The following MCM10 variants were observed in gnomAD, a reference collection of about 807,000 sequenced individuals.
MCM10 encodes the protein minichromosome maintenance 10 replication initiation factor.
In MCM10, 91 loss-of-function variants were observed where a neutral mutation model predicts 109.9. The ratio of observed to expected loss-of-function variants is 0.83; its 90% CI spans 0.70 to 0.99. The LOEUF (loss-of-function observed/expected upper bound fraction) is 0.99. Ranked by LOEUF, MCM10 falls within the 50% of genes least tolerant of loss-of-function variation. The probability of loss-of-function intolerance (pLI) is 0.00; values close to 1 mark genes in which losing one functional copy is unlikely to be tolerated. For missense variants in MCM10, 1,077 were observed against 1,061.2 expected (o/e 1.01, Z -0.21); for synonymous variants, 380 against 387.2 (o/e 0.98, Z 0.22).
At chr10:13,183,875 T>C (rs906377115) in intron 8 of MCM10, among the ~76,000 whole-genome samples, 3 of 152,048 alleles carry the variant, frequency 2.0e-5, no homozygotes, top group African/African-American at 7.2e-5. Context: ...TTTGTGTGTA[T>C]GTGATGGAGT....
At chr10:13,179,041 A>G (rs1834176661) in intron 6 of MCM10, among the ~76,000 whole-genome samples, 1 of 152,182 alleles carries the variant, frequency 6.6e-6, no homozygotes, top group Non-Finnish European at 1.5e-5. Flanking sequence ...TGATTTTTGA[A>G]TATTGATTTT....
chr10:13,162,753 A>C (rs1014795602), intron 1 of MCM10, among the ~76,000 whole-genome samples: 1 of 152,168 alleles, frequency 6.6e-6, no homozygotes, highest in African/African-American at 2.4e-5. Flanking sequence ...TGTGTGGCAC[A>C]TGAGGGATCC....
intron 5 of MCM10, among the ~76,000 whole-genome samples, chr10:13,174,494 G>A (rs376539210): frequency 6.6e-6 from 1 of 152,102 alleles, no homozygotes; most frequent in African/African-American, 2.4e-5. Flanking sequence ...GATAATCTGC[G>A]CCAGTGCTCT....
At chr10:13,168,165 C>T (rs1014948227) in intron 2 of MCM10, among the ~76,000 whole-genome samples, 4 of 152,216 alleles carry the variant, frequency 2.6e-5, no homozygotes, top group Non-Finnish European at 5.9e-5. Context: ...CAGACGGGAA[C>T]AAGAGATGGT....
At chr10:13,181,904 A>G (rs146648359) in intron 7 of MCM10, among the ~76,000 whole-genome samples, 78 of 152,310 alleles carry the variant, frequency 5.1e-4, no homozygotes, top group Middle Eastern at 3.4e-3. Flanking sequence ...CGGGCAGTAG[A>G]TTCCATGCTG....
chr10:13,208,506 G>C (rs1415703167), intron 18 of MCM10, among the ~76,000 whole-genome samples: 1 of 142,938 alleles, frequency 7.0e-6, no homozygotes, highest in Non-Finnish European at 1.5e-5. Context: ...GAGGCAGGCA[G>C]ATCACTTGTG....
chr10:13,175,738 G>A (rs1384233570), intron 6 of MCM10, 57 bp downstream of exon 6: 55 of 1,260,190 alleles, frequency 4.4e-5, no homozygotes, highest in East Asian at 7.0e-5. Flanking sequence ...TGTGCCTCTC[G>A]GAGTCCTTTA....
chr10:13,170,021 G>C (rs1240105187), intron 2 of MCM10, among the ~76,000 whole-genome samples: 1 of 152,190 alleles, frequency 6.6e-6, no homozygotes, highest in Non-Finnish European at 1.5e-5. Flanking sequence ...TATATGTTTT[G>C]ATTTGGGTTA....
intron 15 of MCM10, 49 bp downstream of exon 15, chr10:13,197,816 G>A: frequency 1.3e-6 from 2 of 1,578,480 alleles, no homozygotes; most frequent in South Asian, 1.2e-5. Context: ...TGTTTCTAAG[G>A]GAAATATGTT....
intron 5 of MCM10, among the ~76,000 whole-genome samples, chr10:13,175,082 C>T (rs1656537195): frequency 1.3e-5 from 2 of 151,574 alleles, no homozygotes; most frequent in Admixed American, 6.6e-5. Flanking sequence ...GAGCTGAGAT[C>T]GCACCACTGC....
At chr10:13,179,914 A>G (rs1834188246) in intron 6 of MCM10, among the ~76,000 whole-genome samples, 1 of 152,226 alleles carries the variant, frequency 6.6e-6, no homozygotes, top group Non-Finnish European at 1.5e-5. Flanking sequence ...TGTATTCTAT[A>G]TAAGCCCTAG....
rs151016570 is a variant in MCM10 at position 13,192,342 on chromosome 10, A to G, written c.1604A>G (p.His535Arg). 37 of 1,613,542 alleles carry G rather than the reference A, an allele frequency of 2.3e-5. No individual in the cohort carries two copies. The highest frequency in any genetic ancestry group is 1.5e-4 in the African/African-American group (11 of 75,022). Reference protein sequence around the residue: ...PTCGARNLKQHLAKATASGIM... With the variant: ...PTCGARNLKQRLAKATASGIM... The stretch of plus-strand genomic sequence containing the variant: ...TGTGGAGCCAGGAACTTAAAACAAC[A>G]TTTAGCCAAAGCCACAGCTTCAGGT... The change falls in exon 12 of 20, where the codon CAT becomes CGT. Residue 535 changes from histidine (H) to arginine (R), a missense_variant. Physicochemically the swap from His to Arg is conservative, Grantham distance 29. Coordinates refer to ENST00000378714, the MANE Select transcript of MCM10 (RefSeq NM_018518.5).
At chr10:13,167,104 A>C (rs1834011580) in intron 2 of MCM10, among the ~76,000 whole-genome samples, 1 of 152,094 alleles carries the variant, frequency 6.6e-6, no homozygotes. Flanking sequence ...GCAACACTGC[A>C]CTCCAGCCTG....
In MCM10 at chr10:13,172,816, G is replaced by A; in HGVS notation, c.592+51G>A. ...TTGGCACTATTGTATGTGTTTATGT[G>A]TGTGGGGGTGTTCATGTGTGTGTGG... On this transcript the variant is annotated intron_variant, in intron 5 of 19. Coordinates refer to ENST00000378714, the MANE Select transcript of MCM10 (RefSeq NM_018518.5). The surrounding 1 kb of genome is among the most constrained non-coding windows in gnomAD (Gnocchi z 5.2). The A allele has an allele frequency of 1.9e-6, 3 of 1,576,766 alleles. No homozygotes were observed. The highest frequency in any genetic ancestry group is 2.6e-6 in the Non-Finnish European group (3 of 1,150,648).
At chr10:13,186,396 G>T in intron 9 of MCM10, 116 bp downstream of exon 9, 1 of 629,288 alleles carries the variant, frequency 1.6e-6, no homozygotes, top group Non-Finnish European at 2.7e-6. Context: ...CTTAAAGGAA[G>T]AGTCAAAATG....
intron 14 of MCM10, chr10:13,195,662 G>A (rs1834410394): frequency 1.3e-5 from 2 of 152,758 alleles, no homozygotes; most frequent in Admixed American, 6.6e-5. Flanking sequence ...CCAGACTGGA[G>A]TGCAGTGGCG....
At chr10:13,178,155 G>A (rs1413020226) in intron 6 of MCM10, among the ~76,000 whole-genome samples, 5 of 151,984 alleles carry the variant, frequency 3.3e-5, no homozygotes, top group East Asian at 1.9e-4. Flanking sequence ...GTACAGTATC[G>A]TGATCTCAGC....
intron 17 of MCM10, 25 bp from the exon 18 acceptor site, chr10:13,204,194 G>A: frequency 6.2e-7 from 1 of 1,606,420 alleles, no homozygotes; most frequent in Non-Finnish European, 8.5e-7. Flanking sequence ...CACCGGCGGT[G>A]TGGGTTTTTT....
intron 6 of MCM10, among the ~76,000 whole-genome samples, chr10:13,177,653 C>T (rs1224237423): frequency 3.3e-5 from 5 of 151,690 alleles, no homozygotes; most frequent in Non-Finnish European, 7.4e-5. Context: ...TGGCAGATTG[C>T]TTGAGCTCAG....
Sources: gnomAD v4.1 joint callset for allele counts (sites outside exome capture counted in the v4.1 genomes callset) on GRCh38, gnomAD v4.1.1 for gene constraint, Gnocchi (gnomAD v3.1) non-coding constraint, MANE v1.5 for transcripts, NCBI Gene and HGNC (gene_info 2026-07-23, HGNC 2026-07-21) for gene names.